Variants in DBX2 observed in about 807,000 individuals in gnomAD.
DBX2 encodes homeobox protein DBX2.
DBX2 carries 16 observed loss-of-function variants against 17.7 expected under a neutral mutation model. The ratio of observed to expected loss-of-function variants is 0.90; its 90% CI spans 0.61 to 1.37. The LOEUF (loss-of-function observed/expected upper bound fraction) is 1.37, where lower values mean the gene tolerates loss of function less well. Among genes scored for constraint, DBX2 ranks in the 40% most tolerant of loss-of-function variants. DBX2 has a pLI of 0.00. For missense variants in DBX2, 538 were observed against 433.8 expected (o/e 1.24, Z -2.13); for synonymous variants, 255 against 183.8 (o/e 1.39, Z -3.13).
At chr12:45,038,039 T>C (rs1232339266) in intron 1 of DBX2, among the ~76,000 whole-genome samples, 1 of 152,106 alleles carries the variant, frequency 6.6e-6, no homozygotes, top group Admixed American at 6.5e-5. Context: ...ACTATAAAAC[T>C]GTCATGGAAA....
chr12:45,022,041 A>G (rs1252433593), intron 3 of DBX2, among the ~76,000 whole-genome samples: 2 of 152,138 alleles, frequency 1.3e-5, no homozygotes, highest in Non-Finnish European at 2.9e-5. Flanking sequence ...TGTTATATAC[A>G]CAAAACTGCT....
At chr12:45,049,812 G>A (rs1201431767) in intron 1 of DBX2, among the ~76,000 whole-genome samples, 2 of 152,120 alleles carry the variant, frequency 1.3e-5, no homozygotes, top group Admixed American at 1.3e-4. Context: ...CCACTAGTTA[G>A]GTTTTATACG....
At chr12:45,047,987 C>T (rs1036289984) in intron 1 of DBX2, among the ~76,000 whole-genome samples, 5 of 152,138 alleles carry the variant, frequency 3.3e-5, no homozygotes, top group African/African-American at 1.2e-4. Context: ...GGAATGTAAG[C>T]TCTACAAGGG....
Position 45,014,925 on chromosome 12 carries a change from TGGA to T in DBX2, c.*1358_*1360del, listed in dbSNP as rs1351992862. ...AAGACGTTAACTTCTCAGACTCTAGTGGAGTTCAGCAAATTAGAAGCCACCATC... is the reference window on the plus strand; with the variant it reads ...AAGACGTTAACTTCTCAGACTCTAGTGTTCAGCAAATTAGAAGCCACCATC... On this transcript the variant is annotated 3_prime_UTR_variant, in exon 4 of 4. Transcript: ENST00000332700. 6.6e-6 allele frequency: 1 copy of T among 151,926 alleles called. No homozygotes were observed. The highest frequency in any genetic ancestry group is 6.6e-5 in the Admixed American group (1 of 15,250). The allele number at this position is 151,926 out of a possible 1,614,324, so 9.4% of individuals were successfully genotyped here. A position where few individuals can be genotyped will look rare whatever the true frequency, so the allele number is the denominator to read the frequency against.
chr12:45,029,370 C>T (rs1026183304), intron 2 of DBX2, among the ~76,000 whole-genome samples: 1 of 152,050 alleles, frequency 6.6e-6, no homozygotes, highest in Non-Finnish European at 1.5e-5. Context: ...TACAACAATC[C>T]CTGGAAGAAG....
At chr12:45,021,307 G>A (rs934580249) in intron 3 of DBX2, among the ~76,000 whole-genome samples, 1 of 152,178 alleles carries the variant, frequency 6.6e-6, no homozygotes, top group East Asian at 1.9e-4. Context: ...GTAAAACCAT[G>A]TGCCTATGGA....
rs891403319 is a variant in DBX2 at position 45,031,191 on chromosome 12, A to T, written c.499+4828T>A. Among the ~76,000 whole-genome samples, 101 of 99,396 alleles carry T rather than the reference A, an allele frequency of 1.0e-3. 1 individual carries two copies. Among genetic ancestry groups the T allele is most frequent in the African/African-American group, 3.3e-3 (90 of 27,228 alleles). The allele number at this position is 99,396 out of a possible 152,430, so 65.2% of individuals were successfully genotyped here. The stretch of plus-strand genomic sequence containing the variant: ...AGCTTCCTTACCCTTCTTATTTTCA[A>T]GTGTGTGTGTGTGTGTGTGTGTGTG... On this transcript the variant is annotated intron_variant, in intron 2 of 3. Coordinates refer to ENST00000332700, the MANE Select transcript of DBX2 (RefSeq NM_001004329.3).
intron 3 of DBX2, among the ~76,000 whole-genome samples, chr12:45,020,828 A>T (rs1375039173): frequency 1.3e-5 from 2 of 152,020 alleles, no homozygotes; most frequent in Non-Finnish European, 2.9e-5. Context: ...TGTTTGTGTT[A>T]TTATATGTTC....
At chr12:45,048,496 T>C (rs1946512104) in intron 1 of DBX2, among the ~76,000 whole-genome samples, 1 of 152,198 alleles carries the variant, frequency 6.6e-6, no homozygotes, top group South Asian at 2.1e-4. Flanking sequence ...GAAAAAATTG[T>C]TGGCAGTCCA....
intron 2 of DBX2, among the ~76,000 whole-genome samples, chr12:45,033,666 C>T (rs950486874): frequency 2.0e-5 from 3 of 152,080 alleles, no homozygotes; most frequent in Non-Finnish European, 4.4e-5. Context: ...AGAGTTATAA[C>T]TAATAATATG....
intron 1 of DBX2, among the ~76,000 whole-genome samples, chr12:45,040,382 A>G (rs1495041): frequency 0.09 from 13,620 of 151,986 alleles, 1,320 homozygotes; most frequent in East Asian, 0.33. Flanking sequence ...CTTTATATAT[A>G]TGCCTATATA....
At chr12:45,022,260 T>C (rs1233067546) in intron 3 of DBX2, among the ~76,000 whole-genome samples, 1 of 149,564 alleles carries the variant, frequency 6.7e-6, no homozygotes, top group Non-Finnish European at 1.5e-5. Context: ...GTGAAGACAC[T>C]TCCCTAGGGT....
intron 2 of DBX2, 121 bp downstream of exon 2, chr12:45,035,898 T>C: frequency 1.1e-6 from 1 of 919,858 alleles, no homozygotes; most frequent in African/African-American, 1.7e-5. Context: ...TCGCTGTGAC[T>C]TTTAGTGAGG....
intron 1 of DBX2, among the ~76,000 whole-genome samples, chr12:45,050,280 G>A (rs1239389445): frequency 6.6e-6 from 1 of 152,202 alleles, no homozygotes; most frequent in African/African-American, 2.4e-5. Flanking sequence ...GTTGAAAGAA[G>A]GGAACAGCAA....
chr12:45,040,394 C>A (rs1362107110), intron 1 of DBX2, among the ~76,000 whole-genome samples: 2 of 152,000 alleles, frequency 1.3e-5, no homozygotes, highest in East Asian at 1.9e-4. Context: ...GCCTATATAT[C>A]CTATTAGTTC....
At chr12:45,017,228 T>C (rs1276768403) in intron 3 of DBX2, among the ~76,000 whole-genome samples, 1 of 152,248 alleles carries the variant, frequency 6.6e-6, no homozygotes, top group Non-Finnish European at 1.5e-5. Flanking sequence ...CTGTGCTGAA[T>C]TATTTATTCA....
rs1412636972 is a variant in DBX2, at chr12:45,015,985, A to G, written c.*301T>C. 4.5e-6 allele frequency: 1 copy of G among 220,442 alleles called. No individual in the cohort carries two copies. The highest frequency in any genetic ancestry group is 5.7e-5 in the Admixed American group (1 of 17,520). The allele number at this position is 220,442 out of a possible 1,614,324, so 13.7% of individuals were successfully genotyped here. A position where few individuals can be genotyped will look rare whatever the true frequency, so the allele number is the denominator to read the frequency against. On this transcript the variant is annotated 3_prime_UTR_variant, in exon 4 of 4. Transcript: ENST00000332700. ...TACATTTTAATGGATATTTATGTAT[A>G]TACACACACATAGAGACAAACACAT...
chr12:45,018,507 G>C (rs1426735573), intron 3 of DBX2, among the ~76,000 whole-genome samples: 3 of 152,056 alleles, frequency 2.0e-5, no homozygotes, highest in East Asian at 1.9e-4. Flanking sequence ...AAAGAAAATA[G>C]AGATTATCAT....
chr12:45,050,586 A>G lies in DBX2; in HGVS notation c.342T>C (p.Ser114=), dbSNP rs1290070033. 1.4e-5 allele frequency: 21 copies of G among 1,551,836 alleles called. No homozygotes were observed. The highest frequency in any genetic ancestry group is 1.8e-5 in the Non-Finnish European group (21 of 1,148,268). Residue 114 remains serine, a synonymous_variant, in exon 1 of 4, where the codon AGT becomes AGC. Transcript: ENST00000332700. ...CCGGAGCCCGGCCCGGCAGCCTCGC[A>G]CTGTCCGCAGAGGGACTGAGCACTT... ...AFQVLSPSAD[S]ARLPGRAPGD... is the part of the protein sequence containing the mutation.
Sources: gnomAD v4.1 joint callset for allele counts (sites outside exome capture counted in the v4.1 genomes callset) on GRCh38, gnomAD v4.1.1 for gene constraint, MANE v1.5 for transcripts, NCBI Gene and HGNC (gene_info 2026-07-23, HGNC 2026-07-21) for gene names.